Variants in ZBTB20 observed in about 807,000 individuals in gnomAD.
ZBTB20 encodes zinc finger and BTB domain containing 20.
Under a neutral mutation model 56.9 loss-of-function variants are expected in ZBTB20, and 9 were observed. The observed-to-expected ratio is 0.16, with a 90% CI of 0.10 to 0.28. ZBTB20 has a LOEUF of 0.28. Among genes scored for constraint, ZBTB20 ranks in the 10% least tolerant of loss-of-function variants. The pLI is 1.00. For synonymous variants in ZBTB20, 417 were observed against 420.7 expected, an observed-to-expected ratio of 0.99 and a Z score of 0.11; for missense variants, 655 against 1,003.0, an observed-to-expected ratio of 0.65 and a Z score of 4.69.
intron 2 of ZBTB20, among the ~76,000 whole-genome samples, chr3:115,053,575 A>G (rs2108445785): frequency 6.6e-6 from 1 of 152,202 alleles, no homozygotes; most frequent in South Asian, 2.1e-4. Flanking sequence ...TTTTTAAATG[A>G]ATGCATATGG....
chr3:114,316,408 T>A lies in ZBTB20; in HGVS notation c.*22597A>T. Reference sequence around the variant, plus strand: ...TGCTGCTGTTTGTGTAGCATCTGGTTTTGTAATGAGCATCTGGATTTGTAA... The same window carrying A: ...TGCTGCTGTTTGTGTAGCATCTGGTATTGTAATGAGCATCTGGATTTGTAA... On this transcript the variant is annotated 3_prime_UTR_variant, in exon 12 of 12. Coordinates refer to ENST00000675478, the MANE Select transcript of ZBTB20 (RefSeq NM_001348800.3). The A allele has an allele frequency of 2.2e-6, 1 of 456,472 alleles. No homozygotes were observed. Among genetic ancestry groups the A allele is most frequent in the Non-Finnish European group, 4.5e-6 (1 of 223,540 alleles). 28.3% of individuals were successfully genotyped at this position (456,472 alleles called of 1,614,324 possible).
At chr3:114,760,810 T>G (rs1398500160) in intron 5 of ZBTB20, among the ~76,000 whole-genome samples, 1 of 152,174 alleles carries the variant, frequency 6.6e-6, no homozygotes, top group East Asian at 1.9e-4. Context: ...TTATCTTCTT[T>G]TACTATGGGC....
At chr3:114,572,104 T>G (rs924680908) in intron 6 of ZBTB20, among the ~76,000 whole-genome samples, 3 of 152,192 alleles carry the variant, frequency 2.0e-5, no homozygotes, top group Admixed American at 6.5e-5. Context: ...TTCTCATCTT[T>G]CAGATGAGAA....
At chr3:114,590,595 A>G (rs1332703381) in intron 6 of ZBTB20, among the ~76,000 whole-genome samples, 2 of 152,026 alleles carry the variant, frequency 1.3e-5, no homozygotes, top group African/African-American at 4.8e-5. Context: ...TCAAGTTTGT[A>G]GTAAATGAGT....
At chr3:114,569,354 T>C (rs976864021) in intron 6 of ZBTB20, among the ~76,000 whole-genome samples, 5 of 152,132 alleles carry the variant, frequency 3.3e-5, no homozygotes, top group Admixed American at 6.5e-5. Flanking sequence ...CATGACACAA[T>C]ACAAAATGAA....
chr3:114,597,172 C>T (rs2056387134), intron 6 of ZBTB20, among the ~76,000 whole-genome samples: 1 of 152,060 alleles, frequency 6.6e-6, no homozygotes, highest in Non-Finnish European at 1.5e-5. Context: ...ACAAATGTGT[C>T]CTCTGACATT....
Position 114,350,795 on chromosome 3 carries a change from G to A in ZBTB20, c.1283C>T (p.Thr428Ile). The change falls in exon 11 of 12, where the codon ACA (threonine) becomes ATA (isoleucine). Residue 428 changes from threonine to isoleucine, a missense_variant. Around this residue, in one of 10 missense-constraint regions of ZBTB20, gnomAD observed 156 missense variants for 181.0 expected, o/e 0.86. Coordinates refer to ENST00000675478, the MANE Select transcript of ZBTB20 (RefSeq NM_001348800.3). ...EGGPQTNQLE[T>I]GASSPERSNE... ...GCTTCTCTCCGGAGAGGAAGCACCT[G>A]TTTCTAGCTGGTTTGTCTGCGGACC... is the stretch of plus-strand genomic sequence containing the variant. 6.2e-7 allele frequency: 1 copy of A among 1,614,058 alleles called. No homozygotes were observed.
In ZBTB20 at chr3:115,013,811, T is replaced by C. The variant is rs78607628; in HGVS notation, c.-506-39395A>G. 5.9e-3 allele frequency among the ~76,000 whole-genome samples: 891 copies of C among 151,772 alleles called. 7 individuals carry two copies. Among genetic ancestry groups the C allele is most frequent in the Middle Eastern group, 0.02 (6 of 294 alleles). On this transcript the variant is annotated intron_variant, in intron 2 of 11. Coordinates refer to ENST00000675478, the MANE Select transcript of ZBTB20 (RefSeq NM_001348800.3). ...GAGAAAAGGGAACCCTTGTACACTA[T>C]TGGTGGAAATGTATATTAGTACAAC... is the stretch of plus-strand genomic sequence containing the variant.
intron 5 of ZBTB20, among the ~76,000 whole-genome samples, chr3:114,723,076 G>T (rs1292481576): frequency 2.6e-5 from 4 of 152,130 alleles, no homozygotes; most frequent in Non-Finnish European, 2.9e-5. Context: ...TGGCTGACTG[G>T]TGTCCCCAAA....
chr3:114,805,304 T>G (rs2072017983), intron 4 of ZBTB20, among the ~76,000 whole-genome samples: 1 of 151,960 alleles, frequency 6.6e-6, no homozygotes, highest in African/African-American at 2.4e-5. Flanking sequence ...TACTGCATTT[T>G]AATTGCCATG....
At chr3:114,721,564 G>A (rs1456336798) in intron 5 of ZBTB20, among the ~76,000 whole-genome samples, 4 of 152,142 alleles carry the variant, frequency 2.6e-5, no homozygotes, top group Non-Finnish European at 5.9e-5. Flanking sequence ...CTAACCCTAA[G>A]AGGTAAGTAA....
intron 7 of ZBTB20, among the ~76,000 whole-genome samples, chr3:114,476,289 TG>T (rs1361178542): frequency 2.0e-5 from 3 of 152,150 alleles, no homozygotes; most frequent in Non-Finnish European, 2.9e-5. Flanking sequence ...AGATTTACCA[TG>T]GGCTGACAAC....
At chr3:114,804,087 G>C (rs2071917529) in intron 4 of ZBTB20, among the ~76,000 whole-genome samples, 1 of 151,998 alleles carries the variant, frequency 6.6e-6, no homozygotes, top group African/African-American at 2.4e-5. Context: ...TTCTCTGGCA[G>C]AGACCCTTTA....
At chr3:114,371,925 C>CAAA (rs1164378740) in intron 10 of ZBTB20, among the ~76,000 whole-genome samples, 1 of 119,180 alleles carries the variant, frequency 8.4e-6, no homozygotes, top group Non-Finnish European at 1.8e-5. Context: ...AAAAAGAAAG[C>CAAA]AAAAAAAAAA....
At chr3:114,415,841 C>T (rs1340403779) in intron 7 of ZBTB20, among the ~76,000 whole-genome samples, 2 of 152,056 alleles carry the variant, frequency 1.3e-5, no homozygotes. Context: ...CAAGAACAAT[C>T]TTACTATTCA....
intron 5 of ZBTB20, among the ~76,000 whole-genome samples, chr3:114,717,893 G>A (rs1036637675): frequency 6.6e-6 from 1 of 152,008 alleles, no homozygotes. Context: ...TATCTTTTGG[G>A]ATACCCCTCT....
chr3:114,706,886 A>G (rs1289314717), intron 5 of ZBTB20, among the ~76,000 whole-genome samples: 1 of 152,118 alleles, frequency 6.6e-6, no homozygotes, highest in Non-Finnish European at 1.5e-5. Context: ...ATTTAAGCAA[A>G]GAACAAACCA....
chr3:114,500,142 A>G (rs189080428), intron 7 of ZBTB20, among the ~76,000 whole-genome samples: 2 of 152,354 alleles, frequency 1.3e-5, no homozygotes, highest in East Asian at 3.9e-4. Flanking sequence ...GAAGTACAGT[A>G]TCTGGGCCAC....
chr3:114,475,277 T>C (rs2040613196), intron 7 of ZBTB20, among the ~76,000 whole-genome samples: 1 of 152,138 alleles, frequency 6.6e-6, no homozygotes, highest in African/African-American at 2.4e-5. Context: ...TCTTTTCTGA[T>C]GAAGCCCTCA....
Sources: gnomAD v4.1 joint callset for allele counts (sites outside exome capture counted in the v4.1 genomes callset) on GRCh38, gnomAD v4.1.1 for gene constraint, gnomAD v4.1.1 regional missense constraint, MANE v1.5 for transcripts, NCBI Gene and HGNC (gene_info 2026-07-23, HGNC 2026-07-21) for gene names.